Variants in CLSTN2 observed in about 807,000 individuals in gnomAD.
CLSTN2 encodes calsyntenin-2.
Under a neutral mutation model 101.2 loss-of-function variants are expected in CLSTN2, and 48 were observed. The observed-to-expected ratio is 0.47, with a 90% CI of 0.38 to 0.60. The LOEUF (loss-of-function observed/expected upper bound fraction) is 0.60, where lower values mean the gene tolerates loss of function less well. Ranked by LOEUF, CLSTN2 falls within the 20% of genes least tolerant of loss-of-function variation. The pLI is 0.00. For missense variants in CLSTN2, 1,160 were observed against 1,238.2 expected (o/e 0.94, Z 0.95); for synonymous variants, 481 against 463.6 (o/e 1.04, Z -0.48).
At chr3:140,003,529 C>G (rs558214293) in intron 1 of CLSTN2, among the ~76,000 whole-genome samples, 149 of 152,244 alleles carry the variant, frequency 9.8e-4, no homozygotes, top group African/African-American at 3.5e-3. Flanking sequence ...ATACCTTTCT[C>G]TTTTCTGATT....
chr3:140,184,133 G>A (rs927332912), intron 2 of CLSTN2, among the ~76,000 whole-genome samples: 3 of 152,168 alleles, frequency 2.0e-5, no homozygotes, highest in Non-Finnish European at 4.4e-5. Flanking sequence ...GACTTTGGCT[G>A]GGATGACACT....
chr3:140,297,214 C>T (rs375297928), intron 2 of CLSTN2, among the ~76,000 whole-genome samples: 1 of 152,200 alleles, frequency 6.6e-6, no homozygotes, highest in East Asian at 1.9e-4. Context: ...CAGCCTCCGT[C>T]CTTGAACTGC....
intron 1 of CLSTN2, among the ~76,000 whole-genome samples, chr3:140,151,308 G>A (rs1056531806): frequency 4.1e-4 from 63 of 152,184 alleles, no homozygotes; most frequent in Middle Eastern, 3.4e-3. Context: ...TAGGAAGAGT[G>A]TAATCCCTTA....
At chr3:140,175,064 A>G (rs1403680188) in intron 1 of CLSTN2, among the ~76,000 whole-genome samples, 3 of 152,202 alleles carry the variant, frequency 2.0e-5, no homozygotes, top group Non-Finnish European at 4.4e-5. Context: ...TTTCTGTGCC[A>G]CAATTTTCCC....
intron 2 of CLSTN2, among the ~76,000 whole-genome samples, chr3:140,321,191 A>T (rs2087280370): frequency 6.6e-6 from 1 of 152,186 alleles, no homozygotes; most frequent in Admixed American, 6.5e-5. Context: ...AGCTTGTTCC[A>T]GGAAAAGGGG....
intron 2 of CLSTN2, among the ~76,000 whole-genome samples, chr3:140,275,356 T>G (rs1273069207): frequency 6.6e-6 from 1 of 151,902 alleles, no homozygotes; most frequent in African/African-American, 2.4e-5. Context: ...CACTGCAGAC[T>G]TCAACTCCTG....
chr3:140,368,967 G>A (rs1250204375), intron 2 of CLSTN2, among the ~76,000 whole-genome samples: 2 of 152,148 alleles, frequency 1.3e-5, no homozygotes, highest in Non-Finnish European at 2.9e-5. Context: ...GGCAAGCAAA[G>A]CCTTCCTGCA....
chr3:140,563,515 AC>A (rs1935964835), intron 15 of CLSTN2, among the ~76,000 whole-genome samples: 1 of 152,122 alleles, frequency 6.6e-6, no homozygotes, highest in South Asian at 2.1e-4. Flanking sequence ...ACACTCACAC[AC>A]ACGTACACAC....
At chr3:140,183,355 G>T (rs1190190064) in intron 2 of CLSTN2, among the ~76,000 whole-genome samples, 2 of 152,156 alleles carry the variant, frequency 1.3e-5, no homozygotes, top group Non-Finnish European at 1.5e-5. Flanking sequence ...AACCAGGAAG[G>T]TCCTCGTAAA....
chr3:140,261,385 T>C (rs1286112979), intron 2 of CLSTN2, among the ~76,000 whole-genome samples: 1 of 152,202 alleles, frequency 6.6e-6, no homozygotes, highest in Non-Finnish European at 1.5e-5. Flanking sequence ...ACATTTTTAT[T>C]TGGCTCCTGT....
intron 1 of CLSTN2, among the ~76,000 whole-genome samples, chr3:140,141,483 A>C (rs1056790608): frequency 1.3e-5 from 2 of 152,184 alleles, no homozygotes; most frequent in Non-Finnish European, 2.9e-5. Context: ...TATTCTAGGA[A>C]GTTATTATTG....
chr3:140,158,928 G>T (rs1316132022), intron 1 of CLSTN2, among the ~76,000 whole-genome samples: 4 of 152,112 alleles, frequency 2.6e-5, no homozygotes, highest in Non-Finnish European at 4.4e-5. Context: ...AGCAATGGGG[G>T]AAAGAACACC....
intron 1 of CLSTN2, among the ~76,000 whole-genome samples, chr3:140,079,461 C>A (rs955177548): frequency 6.6e-6 from 1 of 151,940 alleles, no homozygotes; most frequent in Admixed American, 6.6e-5. Context: ...AAAAGAATAC[C>A]AGGGTAGGCT....
intron 2 of CLSTN2, among the ~76,000 whole-genome samples, chr3:140,267,442 A>C (rs1390792970): frequency 6.6e-6 from 1 of 152,300 alleles, no homozygotes; most frequent in Non-Finnish European, 1.5e-5. Context: ...CCCAGGTTTC[A>C]GGGCAAGATG....
chr3:140,422,189 TTCTCTCTC>T (rs3035957), intron 5 of CLSTN2, among the ~76,000 whole-genome samples: 41,847 of 148,390 alleles, frequency 0.28, 6,002 homozygotes, highest in East Asian at 0.48. Context: ...CTCTCTTTCT[TTCTCTCTC>T]TCTCTCTCTC....
chr3:140,562,235 G>A lies in CLSTN2; in HGVS notation c.2139G>A (p.Leu713=), dbSNP rs200705353. The A allele has an allele frequency of 4.3e-6, 7 of 1,614,026 alleles. No individual in the cohort carries two copies. Among genetic ancestry groups the A allele is most frequent in the African/African-American group, 1.3e-5 (1 of 75,014 alleles). Residue 713 remains leucine, a synonymous_variant, in exon 13 of 17, where the codon TTG becomes TTA. Coordinates refer to ENST00000458420, the MANE Select transcript of CLSTN2 (RefSeq NM_022131.3). ...GGDLDPRQEC[L]ELNHSELHQR... is the part of the protein sequence containing the mutation. The stretch of plus-strand genomic sequence containing the variant: ...ACTTGGACCCAAGGCAGGAGTGCTT[G>A]GAGCTCAACCACAGTGAGCTCCACC...
intron 8 of CLSTN2, among the ~76,000 whole-genome samples, chr3:140,497,159 G>A (rs1440454100): frequency 6.6e-6 from 1 of 151,714 alleles, no homozygotes; most frequent in Non-Finnish European, 1.5e-5. Context: ...GGTGTGCAGT[G>A]TTGGGGGTAA....
At chr3:140,256,445 A>G (rs1272472483) in intron 2 of CLSTN2, among the ~76,000 whole-genome samples, 1 of 152,208 alleles carries the variant, frequency 6.6e-6, no homozygotes, top group Admixed American at 6.5e-5. Flanking sequence ...GGTTTATAAA[A>G]GGAATATCAG....
chr3:140,447,370 C>T (rs934053240), intron 5 of CLSTN2, among the ~76,000 whole-genome samples: 2 of 152,176 alleles, frequency 1.3e-5, no homozygotes, highest in East Asian at 1.9e-4. Context: ...GTGGGATGCC[C>T]GCTGTGGGAG....
Sources: allele counts gnomAD v4.1 joint callset (sites outside exome capture counted in the v4.1 genomes callset), GRCh38; gene constraint gnomAD v4.1.1; transcripts MANE v1.5; gene names NCBI Gene and HGNC (gene_info 2026-07-23, HGNC 2026-07-21).